The following ENTREP2 variants were observed in gnomAD, a reference collection of about 807,000 sequenced individuals.
ENTREP2 encodes the protein endosomal transmembrane epsin interactor 2, also known as protein ENTREP2.
chr15:29,479,811 T>C, the ENTREP2 span, among the ~76,000 whole-genome samples: 3 of 152,088 alleles, frequency 2.0e-5, no homozygotes, highest in South Asian at 2.1e-4. Flanking sequence ...ACTTTTCCCA[T>C]TGGGCTGAAG....
At chr15:29,253,474 A>T in the ENTREP2 span, among the ~76,000 whole-genome samples, 1 of 136,862 alleles carries the variant, frequency 7.3e-6, no homozygotes. Flanking sequence ...TTTGTGATGG[A>T]GTCTCACTCT....
chr15:29,644,820 AAAAAAAAG>A, the ENTREP2 span, among the ~76,000 whole-genome samples: 1 of 150,932 alleles, frequency 6.6e-6, no homozygotes, highest in Admixed American at 6.6e-5. Context: ...CCATAAAAAA[AAAAAAAAG>A]AAAAAAAAAG....
chr15:29,241,806 G>A, the ENTREP2 span, among the ~76,000 whole-genome samples: 5 of 152,290 alleles, frequency 3.3e-5, no homozygotes, highest in East Asian at 9.7e-4. Flanking sequence ...GCTAAGGCCG[G>A]AGGATCAGTT....
the ENTREP2 span, among the ~76,000 whole-genome samples, chr15:29,669,683 C>T: frequency 3.3e-5 from 5 of 152,176 alleles, no homozygotes; most frequent in African/African-American, 1.2e-4. Flanking sequence ...TGTCCACCAC[C>T]CCATTCATTG....
the ENTREP2 span, among the ~76,000 whole-genome samples, chr15:29,421,324 T>C: frequency 6.6e-6 from 1 of 152,184 alleles, no homozygotes; most frequent in African/African-American, 2.4e-5. Context: ...ACTTGTAACA[T>C]ACCCACTCTG....
the ENTREP2 span, among the ~76,000 whole-genome samples, chr15:29,149,146 C>T: frequency 6.6e-6 from 1 of 152,144 alleles, no homozygotes; most frequent in Non-Finnish European, 1.5e-5. Flanking sequence ...GCTGGGATTA[C>T]AAGCGTGAGC....
chr15:29,162,657 C>T, the ENTREP2 span, among the ~76,000 whole-genome samples: 4 of 152,060 alleles, frequency 2.6e-5, no homozygotes, highest in Non-Finnish European at 5.9e-5. Flanking sequence ...GCAGCAAGAC[C>T]GGTCCAAAGA....
At chr15:29,226,001 A>G in the ENTREP2 span, among the ~76,000 whole-genome samples, 2 of 152,118 alleles carry the variant, frequency 1.3e-5, no homozygotes, top group Non-Finnish European at 2.9e-5. Flanking sequence ...GACACTGTCC[A>G]CCACAGCCCC....
the ENTREP2 span, among the ~76,000 whole-genome samples, chr15:29,485,774 C>A: frequency 6.6e-6 from 1 of 152,200 alleles, no homozygotes; most frequent in Non-Finnish European, 1.5e-5. Flanking sequence ...ACATCCATCA[C>A]CAATCATCAG....
At chr15:29,339,881 C>T in the ENTREP2 span, among the ~76,000 whole-genome samples, 28 of 152,382 alleles carry the variant, frequency 1.8e-4, no homozygotes, top group African/African-American at 6.7e-4. Context: ...GATTCATCAC[C>T]TGATGTTATC....
At chr15:29,405,589 C>T in the ENTREP2 span, among the ~76,000 whole-genome samples, 3 of 152,178 alleles carry the variant, frequency 2.0e-5, no homozygotes, top group African/African-American at 7.2e-5. Flanking sequence ...CAGCTAATTA[C>T]CCAGACTGGG....
At chr15:29,392,348 A>AC in the ENTREP2 span, among the ~76,000 whole-genome samples, 91 of 101,010 alleles carry the variant, frequency 9.0e-4, no homozygotes, top group African/African-American at 2.0e-3. Context: ...AAAAGTTATG[A>AC]CCCCCCCCAC....
At chr15:29,658,080 C>T in the ENTREP2 span, among the ~76,000 whole-genome samples, 1 of 152,250 alleles carries the variant, frequency 6.6e-6, no homozygotes, top group South Asian at 2.1e-4. Flanking sequence ...GCTGTGTTCT[C>T]ACCCAAATCT....
chr15:29,462,704 C>G, the ENTREP2 span, among the ~76,000 whole-genome samples: 1 of 152,096 alleles, frequency 6.6e-6, no homozygotes, highest in African/African-American at 2.4e-5. Context: ...CTGAGAATCA[C>G]TAGGAGTCCC....
chr15:29,235,110 GATGTGGGCAGGAGCCACCCCGAGAC>G, the ENTREP2 span: 1 of 1,052,022 alleles, frequency 9.5e-7, no homozygotes. Context: ...TCCCACAACA[GATGTGGGCAGGAGCCACCCCGAGAC>G]ATGGCTCTGC....
the ENTREP2 span, among the ~76,000 whole-genome samples, chr15:29,455,671 G>A: frequency 1.6e-4 from 24 of 152,230 alleles, no homozygotes; most frequent in Admixed American, 5.2e-4. Context: ...CCAGGCCACC[G>A]ACCAGTATCA....
the ENTREP2 span, among the ~76,000 whole-genome samples, chr15:29,163,293 A>G: frequency 0.046 from 6,934 of 152,212 alleles, 551 homozygotes; most frequent in African/African-American, 0.16. Flanking sequence ...TTTACCAGCA[A>G]TGGATCCAAC....
the ENTREP2 span, among the ~76,000 whole-genome samples, chr15:29,373,088 A>G: frequency 6.6e-6 from 1 of 152,112 alleles, no homozygotes; most frequent in East Asian, 1.9e-4. Context: ...TTAAAAATTA[A>G]AAGACAAACA....
At chr15:29,381,933 C>T in the ENTREP2 span, 1 of 1,017,622 alleles carries the variant, frequency 9.8e-7, no homozygotes, top group Non-Finnish European at 1.5e-6. Context: ...ACGTGTGGAA[C>T]ACAGCACACA....
Sources: gnomAD v4.1 joint callset for allele counts (sites outside exome capture counted in the v4.1 genomes callset) on GRCh38, gnomAD v4.1.1 for gene constraint, MANE v1.5 for transcripts, NCBI Gene and HGNC (gene_info 2026-07-23, HGNC 2026-07-21) for gene names.